BRD7: variants seen among roughly 807,000 people sequenced by gnomAD.
BRD7 encodes the protein bromodomain-containing protein 7.
BRD7 carries 15 observed loss-of-function variants against 82.1 expected under a neutral mutation model. The observed-to-expected ratio is 0.18, with a 90% CI of 0.12 to 0.28. The LOEUF (loss-of-function observed/expected upper bound fraction) is 0.28. Ranked by LOEUF, BRD7 falls within the 10% of genes least tolerant of loss-of-function variation. The pLI, the probability that BRD7 is intolerant of heterozygous loss-of-function variation, is 1.00. For synonymous variants in BRD7, 232 were observed against 266.9 expected (o/e 0.87, Z 1.27); for missense variants, 638 against 779.9 (o/e 0.82, Z 2.17).
intron 8 of BRD7, among the ~76,000 whole-genome samples, chr16:50,331,957 C>A (rs180889682): frequency 6.6e-6 from 1 of 152,158 alleles, no homozygotes; most frequent in Non-Finnish European, 1.5e-5. Context: ...TGAAACTGAA[C>A]TCCTATCTCT....
At chr16:50,337,942 T>G (rs1452792166) in intron 6 of BRD7, among the ~76,000 whole-genome samples, 1 of 152,134 alleles carries the variant, frequency 6.6e-6, no homozygotes, top group African/African-American at 2.4e-5. Context: ...GAAGAAAATT[T>G]TATTTTCTGT....
chr16:50,322,293 T>C (rs1051642040), intron 12 of BRD7, among the ~76,000 whole-genome samples: 1 of 152,226 alleles, frequency 6.6e-6, no homozygotes, highest in African/African-American at 2.4e-5. Context: ...AAGAAGGTAT[T>C]TGGTAAATAA....
At chr16:50,352,740 A>T (rs2038583837) in intron 4 of BRD7, among the ~76,000 whole-genome samples, 1 of 136,716 alleles carries the variant, frequency 7.3e-6, no homozygotes. Context: ...CAGGCATTCT[A>T]ATTGGGGTGA....
chr16:50,368,344 C>G (rs745450614), intron 1 of BRD7, 46 bp from the exon 2 acceptor site: 1 of 1,590,942 alleles, frequency 6.3e-7, no homozygotes, highest in Non-Finnish European at 8.6e-7. Context: ...CGATTAAAAT[C>G]GGGGCTCTCC....
intron 14 of BRD7, 94 bp downstream of exon 14, chr16:50,320,569 G>A: frequency 7.3e-7 from 1 of 1,363,236 alleles, no homozygotes; most frequent in South Asian, 1.2e-5. Context: ...ATCTTCCTGT[G>A]GTGAATGGCT....
intron 9 of BRD7, 51 bp from the exon 10 acceptor site, chr16:50,326,442 A>T: frequency 5.3e-6 from 7 of 1,330,068 alleles, no homozygotes; most frequent in Non-Finnish European, 7.1e-6. Context: ...GCCATGACCC[A>T]CGGGGCCCTC....
chr16:50,357,906 G>A (rs775056871), intron 2 of BRD7, among the ~76,000 whole-genome samples: 11 of 151,916 alleles, frequency 7.2e-5, no homozygotes, highest in Non-Finnish European at 1.0e-4. Flanking sequence ...GCTTGAACCC[G>A]TAGGTAGAGG....
At chr16:50,334,491 C>T (rs115673611) in intron 7 of BRD7, among the ~76,000 whole-genome samples, 2,401 of 152,206 alleles carry the variant, frequency 0.016, 56 homozygotes, top group African/African-American at 0.054. Context: ...AATAAGAATA[C>T]ACATTAGAAC....
At position 50,320,663 on chromosome 16, in the gene BRD7, C is replaced by T; in HGVS notation, c.1612G>A (p.Glu538Lys). 3.1e-6 allele frequency: 5 copies of T among 1,611,572 alleles called. No homozygotes were observed. Among genetic ancestry groups the T allele is most frequent in the Non-Finnish European group, 4.2e-6 (5 of 1,177,882 alleles). The change falls in exon 14 of 17, where the codon GAA (glutamate) becomes AAA (lysine). Residue 538 changes from glutamate to lysine, a missense_variant and splice_region_variant. Around this residue, in one of 3 missense-constraint regions of BRD7, gnomAD observed 402 missense variants for 500.8 expected, o/e 0.80. Coordinates refer to ENST00000394688, the MANE Select transcript of BRD7 (RefSeq NM_013263.5). ...AATCAAACCCTCTGGAGACACTTAC[C>T]TTCAGAGTCAAAAACTTCAACTGGA... ...GVPVEVFDSE[E>K]AEIFQKKLDE...
intron 6 of BRD7, among the ~76,000 whole-genome samples, chr16:50,337,253 CTTCT>C (rs1368634727): frequency 2.5e-5 from 3 of 117,946 alleles, no homozygotes; most frequent in South Asian, 5.9e-4. Flanking sequence ...TCTGTTCATT[CTTCT>C]TTTTTTTTTT....
chr16:50,333,242 A>AT (rs746222646), intron 8 of BRD7, among the ~76,000 whole-genome samples: 12 of 152,264 alleles, frequency 7.9e-5, no homozygotes, highest in East Asian at 1.9e-4. Context: ...AGAACATATT[A>AT]TAACTTCATT....
At position 50,318,104 on chromosome 16, in the gene BRD7, A is replaced by ATACAT. The variant is rs1266191356; in HGVS notation, c.*1102_*1106dup. 1.3e-5 allele frequency: 2 copies of ATACAT among 152,310 alleles called. No homozygotes were observed. The highest frequency in any genetic ancestry group is 4.8e-5 in the African/African-American group (2 of 41,460). The allele number at this position is 152,310 out of a possible 1,614,324, so 9.4% of individuals were successfully genotyped here. A position where few individuals can be genotyped will look rare whatever the true frequency, so the allele number is the denominator to read the frequency against. The stretch of plus-strand genomic sequence containing the variant: ...AAGTACCAGTGTTTAGCTGCTTTTT[A>ATACAT]TACATTAAATTAGCAATTTGAAAAA... On this transcript the variant is annotated 3_prime_UTR_variant, in exon 17 of 17. Coordinates refer to ENST00000394688, the MANE Select transcript of BRD7 (RefSeq NM_013263.5).
intron 6 of BRD7, among the ~76,000 whole-genome samples, chr16:50,339,628 C>G (rs2037963069): frequency 6.6e-6 from 1 of 152,186 alleles, no homozygotes; most frequent in African/African-American, 2.4e-5. Context: ...ACGTTAGATT[C>G]CACCCCTACA....
At chr16:50,360,906 G>C (rs2038911487) in intron 2 of BRD7, among the ~76,000 whole-genome samples, 1 of 152,190 alleles carries the variant, frequency 6.6e-6, no homozygotes, top group Non-Finnish European at 1.5e-5. Context: ...CTGAGAAAGG[G>C]GGAGGGTTTT....
chr16:50,363,522 C>G (rs1419723967), intron 2 of BRD7, among the ~76,000 whole-genome samples: 1 of 152,190 alleles, frequency 6.6e-6, no homozygotes, highest in Non-Finnish European at 1.5e-5. Context: ...GGGAGAAATA[C>G]TGCTGATCCT....
chr16:50,337,078 G>C (rs2037832683), intron 6 of BRD7, among the ~76,000 whole-genome samples: 1 of 152,084 alleles, frequency 6.6e-6, no homozygotes, highest in Admixed American at 6.5e-5. Context: ...GGTTACCTGG[G>C]CTAAAGTCAC....
intron 5 of BRD7, among the ~76,000 whole-genome samples, chr16:50,342,418 T>C (rs1000959380): frequency 6.6e-6 from 1 of 151,120 alleles, no homozygotes; most frequent in South Asian, 2.1e-4. Context: ...TGCTTATCAA[T>C]ATGTGGATGA....
intron 6 of BRD7, among the ~76,000 whole-genome samples, chr16:50,339,256 A>T (rs889602933): frequency 6.6e-6 from 1 of 152,210 alleles, no homozygotes; most frequent in Non-Finnish European, 1.5e-5. Flanking sequence ...ATATAGTCAC[A>T]TGTAGCTTAA....
chr16:50,347,619 GACAA>G (rs1194297948), intron 5 of BRD7, among the ~76,000 whole-genome samples: 1 of 152,144 alleles, frequency 6.6e-6, no homozygotes, highest in Non-Finnish European at 1.5e-5. Context: ...ACCAATAACA[GACAA>G]ACAGAGAGCC....
Sources: allele counts gnomAD v4.1 joint callset (sites outside exome capture counted in the v4.1 genomes callset), GRCh38; gene constraint gnomAD v4.1.1; regional missense constraint gnomAD v4.1.1; transcripts MANE v1.5; gene names NCBI Gene and HGNC (gene_info 2026-07-23, HGNC 2026-07-21).